CETN3: variants seen among roughly 807,000 people sequenced by gnomAD.
CETN3 encodes centrin-3.
A neutral mutation model predicts 20.1 loss-of-function variants in CETN3; 17 were observed. The ratio of observed to expected loss-of-function variants is 0.85; its 90% CI spans 0.58 to 1.27. The LOEUF is 1.27. Among genes scored for constraint, CETN3 ranks in the 50% most tolerant of loss-of-function variants. CETN3 has a pLI of 0.00. For synonymous variants in CETN3, 52 were observed against 59.7 expected (o/e 0.87, Z 0.59); for missense variants, 169 against 191.2 (o/e 0.88, Z 0.69).
At chr5:90,404,078 A>AT (rs1749373911) in intron 3 of CETN3, among the ~76,000 whole-genome samples, 1 of 152,024 alleles carries the variant, frequency 6.6e-6, no homozygotes, top group African/African-American at 2.4e-5. Context: ...AACAAAGACA[A>AT]TTTTTTAAAG....
chr5:90,405,448 T>C (rs960735679), intron 3 of CETN3: 4 of 488,152 alleles, frequency 8.2e-6, no homozygotes, highest in South Asian at 3.9e-5. Flanking sequence ...AGCTACACAA[T>C]AGTTCCTTGG....
At chr5:90,400,654 GA>G in intron 3 of CETN3, among the ~76,000 whole-genome samples, 1 of 148,478 alleles carries the variant, frequency 6.7e-6, no homozygotes, top group Non-Finnish European at 1.5e-5. Context: ...AACCCAGAAT[GA>G]AAAAAATACA....
chr5:90,393,057 A>G lies in CETN3; in HGVS notation c.*1007T>C, dbSNP rs1248832412. ...ACCGAGTACTAGATATGAGTGAAGG[A>G]TCCATATAGGTACTATTTTTTTCTA... On this transcript the variant is annotated 3_prime_UTR_variant, in exon 5 of 5. Coordinates refer to ENST00000283122, the MANE Select transcript of CETN3 (RefSeq NM_004365.4). 2 of 152,310 alleles carry G rather than the reference A, an allele frequency of 1.3e-5. No homozygotes were observed. Among genetic ancestry groups the G allele is most frequent in the East Asian group, 3.9e-4 (2 of 5,188 alleles). 9.4% of individuals were successfully genotyped at this position (152,310 alleles called of 1,614,324 possible).
chr5:90,394,245 T>A (rs1749090106), intron 4 of CETN3, 138 bp from the exon 5 acceptor site: 2 of 532,282 alleles, frequency 3.8e-6, no homozygotes, highest in African/African-American at 2.0e-5. Context: ...GGCTTTTTGC[T>A]TTTACTTCTT....
intron 2 of CETN3, among the ~76,000 whole-genome samples, chr5:90,407,000 C>G (rs73190435): frequency 1.3e-5 from 2 of 151,914 alleles, no homozygotes; most frequent in Admixed American, 1.3e-4. Flanking sequence ...GCTTAAAAAT[C>G]CCTTACGAAA....
intron 4 of CETN3, among the ~76,000 whole-genome samples, chr5:90,394,462 T>C (rs935770679): frequency 1.3e-5 from 2 of 152,026 alleles, no homozygotes; most frequent in Non-Finnish European, 2.9e-5. Context: ...CAACCCTCTT[T>C]ATAATCTTTA....
chr5:90,400,283 A>C (rs1001798760), intron 3 of CETN3, among the ~76,000 whole-genome samples: 4 of 152,296 alleles, frequency 2.6e-5, no homozygotes, highest in African/African-American at 7.2e-5. Context: ...ACTAAAAATA[A>C]ATGTAGTTTC....
At chr5:90,405,290 CAT>C (rs1749405695) in intron 3 of CETN3, 1 of 189,672 alleles carries the variant, frequency 5.3e-6, no homozygotes, top group Admixed American at 6.1e-5. Flanking sequence ...ACAAAAATCA[CAT>C]ACCAGAAAGG....
chr5:90,397,050 T>C (rs982708500), intron 4 of CETN3, among the ~76,000 whole-genome samples: 1 of 152,112 alleles, frequency 6.6e-6, no homozygotes. Flanking sequence ...ATGAAAATAC[T>C]ATGCCATTTT....
intron 4 of CETN3, among the ~76,000 whole-genome samples, chr5:90,398,004 G>A (rs760300108): frequency 3.3e-5 from 5 of 151,904 alleles, no homozygotes; most frequent in African/African-American, 7.2e-5. Context: ...TTTTCAAAAC[G>A]TTCCTTTCAT....
In CETN3 at chr5:90,407,840, A is replaced by C. The variant is rs748158340; in HGVS notation, c.18-6T>G. 8.3e-6 allele frequency: 13 copies of C among 1,564,446 alleles called. No homozygotes were observed. The South Asian group carries it at 1.6e-4, about 19-fold the overall frequency. On this transcript the variant is annotated splice_region_variant and splice_polypyrimidine_tract_variant and intron_variant, in intron 1 of 4. Transcript: ENST00000283122. ...TGTCCACTACAAGCTCACTTCTATG[A>C]AATGGAAAGAAAAAGCCCTTAGTCC...
intron 4 of CETN3, among the ~76,000 whole-genome samples, chr5:90,395,563 G>A (rs1011312544): frequency 1.3e-5 from 2 of 151,992 alleles, no homozygotes; most frequent in African/African-American, 4.8e-5. Flanking sequence ...TGAACTCCTG[G>A]GCTCAAGCAA....
intron 3 of CETN3, among the ~76,000 whole-genome samples, chr5:90,400,389 T>C (rs774307158): frequency 6.6e-6 from 1 of 152,130 alleles, no homozygotes; most frequent in Non-Finnish European, 1.5e-5. Flanking sequence ...TACCAGTCTT[T>C]AATCAATAGC....
intron 1 of CETN3, among the ~76,000 whole-genome samples, chr5:90,409,243 T>C (rs1324311950): frequency 3.9e-5 from 6 of 152,158 alleles, no homozygotes; most frequent in Non-Finnish European, 7.4e-5. Flanking sequence ...CCAAAATTTA[T>C]AGGTGGGTGA....
chr5:90,409,592 C>T, intron 1 of CETN3, 53 bp downstream of exon 1: 6 of 1,610,208 alleles, frequency 3.7e-6, no homozygotes, highest in South Asian at 3.3e-5. Context: ...CACACACCCT[C>T]CCTGGGCCCC....
chr5:90,393,941 G>A lies in CETN3; in HGVS notation c.*123C>T. On this transcript the variant is annotated 3_prime_UTR_variant, in exon 5 of 5. Transcript: ENST00000283122. The stretch of plus-strand genomic sequence containing the variant: ...ACAGTAGTAAAATACAGATATATAA[G>A]ATGCTTATTTTTGGTCCTTTAGGAT... 1.5e-6 allele frequency: 1 copy of A among 687,550 alleles called. No homozygotes were observed. Among genetic ancestry groups the A allele is most frequent in the Non-Finnish European group, 2.6e-6 (1 of 389,470 alleles). The allele number at this position is 687,550 out of a possible 1,614,324, so 42.6% of individuals were successfully genotyped here.
chr5:90,399,518 A>G lies in CETN3; in HGVS notation c.300T>C (p.His100=), dbSNP rs773514985. The G allele has an allele frequency of 5.0e-5, 81 of 1,613,364 alleles. No homozygotes were observed. Among genetic ancestry groups the G allele is most frequent in the Non-Finnish European group, 6.5e-5 (77 of 1,179,696 alleles). The change falls in exon 4 of 5, where the codon CAT becomes CAC. Residue 100 remains histidine, a synonymous_variant. Transcript: ENST00000283122. ...GTTTAAATGCCTTGAGTATTTCTTC[A>G]TGGGGATCTCTTTCCAATATCCAGT... ...VTDWILERDP[H]EEILKAFKLF...
At chr5:90,404,520 G>C (rs937427512) in intron 3 of CETN3, among the ~76,000 whole-genome samples, 1 of 152,086 alleles carries the variant, frequency 6.6e-6, no homozygotes, top group Non-Finnish European at 1.5e-5. Flanking sequence ...ACAAATTAGA[G>C]GAAAAAAGGA....
chr5:90,399,554 A>C lies in CETN3; in HGVS notation c.269-5T>G. On this transcript the variant is annotated splice_region_variant and splice_polypyrimidine_tract_variant and intron_variant, in intron 3 of 4. Transcript: ENST00000283122. ...TTTCCAATATCCAGTCTGTCACTAC[A>C]GTTTAAAAACATATATATTTTAATA... The C allele has an allele frequency of 6.2e-7, 1 of 1,604,820 alleles. No homozygotes were observed. Among genetic ancestry groups the C allele is most frequent in the Non-Finnish European group, 8.5e-7 (1 of 1,173,058 alleles).
Sources: gnomAD v4.1 joint callset for allele counts (sites outside exome capture counted in the v4.1 genomes callset) on GRCh38, gnomAD v4.1.1 for gene constraint, MANE v1.5 for transcripts, NCBI Gene and HGNC (gene_info 2026-07-23, HGNC 2026-07-21) for gene names.